Variants in ST3GAL3 observed in about 807,000 individuals in gnomAD.
The protein encoded by ST3GAL3 is ST3 beta-galactoside alpha-2,3-sialyltransferase 3, also known as CMP-N-acetylneuraminate-beta-1,4-galactoside alpha-2,3-sialyltransferase.
ST3GAL3 carries 21 observed loss-of-function variants against 50.1 expected under a neutral mutation model. That is an observed-to-expected ratio of 0.42 (90% confidence interval 0.30 to 0.60). ST3GAL3 has a LOEUF of 0.60. Among genes scored for constraint, ST3GAL3 ranks in the 20% least tolerant of loss-of-function variants. The pLI, the probability that ST3GAL3 is intolerant of heterozygous loss-of-function variation, is 0.19. For synonymous variants in ST3GAL3, 183 were observed against 190.0 expected (o/e 0.96, Z 0.30); for missense variants, 353 against 489.4 (o/e 0.72, Z 2.63).
intron 4 of ST3GAL3, among the ~76,000 whole-genome samples, chr1:43,821,981 T>C (rs571127533): frequency 6.6e-6 from 1 of 152,268 alleles, no homozygotes; most frequent in Admixed American, 6.5e-5. Flanking sequence ...AAATAAAGTT[T>C]TTAGGATTTT....
intron 2 of ST3GAL3, among the ~76,000 whole-genome samples, chr1:43,762,876 T>C (rs1691073434): frequency 6.6e-6 from 1 of 151,522 alleles, no homozygotes; most frequent in African/African-American, 2.4e-5. Flanking sequence ...CAAGGAGGGG[T>C]AAGCAGGAGG....
chr1:43,785,660 G>T (rs1296553994), intron 2 of ST3GAL3, among the ~76,000 whole-genome samples: 2 of 151,986 alleles, frequency 1.3e-5, no homozygotes, highest in East Asian at 3.8e-4. Context: ...TAATGTGGGC[G>T]CTAGGGCCCA....
intron 5 of ST3GAL3, among the ~76,000 whole-genome samples, chr1:43,860,295 T>C (rs898408066): frequency 3.9e-5 from 6 of 152,150 alleles, no homozygotes; most frequent in African/African-American, 1.4e-4. Context: ...CAAGAGGCAG[T>C]AGGGTAGAGC....
chr1:43,846,269 C>G lies in ST3GAL3; in HGVS notation c.302+7958C>G, dbSNP rs149076073. ...AGTTTTTATTTCATTTGTTTTGAAGCTCTGTCATTTGGTGTGTATACACTT... is the reference window on the plus strand; with the variant it reads ...AGTTTTTATTTCATTTGTTTTGAAGGTCTGTCATTTGGTGTGTATACACTT... On this transcript the variant is annotated intron_variant, in intron 5 of 11. Coordinates refer to ENST00000347631, the MANE Select transcript of ST3GAL3 (RefSeq NM_006279.5). 3.4e-4 allele frequency among the ~76,000 whole-genome samples: 52 copies of G among 152,182 alleles called. No homozygotes were observed. The East Asian group carries it at 9.6e-3, about 28-fold the overall frequency.
intron 5 of ST3GAL3, chr1:43,851,339 G>T: frequency 1.9e-6 from 3 of 1,545,896 alleles, no homozygotes; most frequent in Non-Finnish European, 2.7e-6. Flanking sequence ...GCACCCATGG[G>T]TTTCCACCAG....
intron 9 of ST3GAL3, 94 bp from the exon 10 acceptor site, chr1:43,920,310 C>T (rs2082806172): frequency 2.0e-6 from 3 of 1,535,676 alleles, no homozygotes; most frequent in Non-Finnish European, 9.0e-7. Flanking sequence ...CCTCATGCTC[C>T]CGCCTCACTG....
chr1:43,800,334 C>G (rs1433351721), intron 3 of ST3GAL3, among the ~76,000 whole-genome samples: 2 of 152,144 alleles, frequency 1.3e-5, no homozygotes, highest in African/African-American at 4.8e-5. Context: ...ATTAATTGAT[C>G]CCATGTTGTG....
chr1:43,915,790 G>T (rs1206218766), intron 9 of ST3GAL3, among the ~76,000 whole-genome samples: 1 of 152,182 alleles, frequency 6.6e-6, no homozygotes, highest in East Asian at 1.9e-4. Context: ...GTGGTGATCT[G>T]ATTTGTACAT....
chr1:43,729,825 G>A (rs1476019594), intron 1 of ST3GAL3, among the ~76,000 whole-genome samples: 1 of 152,180 alleles, frequency 6.6e-6, no homozygotes, highest in African/African-American at 2.4e-5. Flanking sequence ...AAGACTTTTT[G>A]TATTTTTGTC....
intron 1 of ST3GAL3, among the ~76,000 whole-genome samples, chr1:43,734,117 T>C (rs1055690223): frequency 2.0e-5 from 3 of 150,120 alleles, no homozygotes; most frequent in African/African-American, 7.3e-5. Flanking sequence ...TCTCGGGGGG[T>C]AAAAAAAAAG....
chr1:43,850,655 T>G, intron 5 of ST3GAL3: 1 of 735,168 alleles, frequency 1.4e-6, no homozygotes, highest in South Asian at 1.5e-5. Context: ...TGCCTTTGAT[T>G]GAATGGAGAT....
rs751937263 is a variant in ST3GAL3 at position 43,734,297 on chromosome 1, C to CTTTTTTTTTTT, written c.-30-1926_-30-1925insTTTTTTTTTTT. 9.4e-4 allele frequency among the ~76,000 whole-genome samples: 107 copies of CTTTTTTTTTTT among 114,418 alleles called. 8 individuals are homozygous for CTTTTTTTTTTT. The highest frequency in any genetic ancestry group is 1.2e-3 in the Non-Finnish European group (69 of 56,364). 75.1% of individuals were successfully genotyped at this position (114,418 alleles called of 152,430 possible). A position where few individuals can be genotyped will look rare whatever the true frequency, so the allele number is the denominator to read the frequency against. On this transcript the variant is annotated intron_variant, in intron 1 of 11. Transcript: ENST00000347631. ...TTTCTTCTCTTTCTTTCTTCTTCTT[C>CTTTTTTTTTTT]TTTTTTTTTTGTTTTTTTTTTTTTT...
intron 4 of ST3GAL3, among the ~76,000 whole-genome samples, chr1:43,833,137 A>G (rs1039205171): frequency 8.5e-5 from 13 of 152,178 alleles, no homozygotes; most frequent in African/African-American, 2.2e-4. Flanking sequence ...TGGTTACACA[A>G]TGTCCATCAC....
intron 5 of ST3GAL3, among the ~76,000 whole-genome samples, chr1:43,853,299 C>T (rs986448725): frequency 1.6e-4 from 24 of 152,232 alleles, no homozygotes; most frequent in African/African-American, 5.5e-4. Flanking sequence ...ACAGTGATAG[C>T]TCACACCTAC....
At chr1:43,728,871 A>G (rs1465732577) in intron 1 of ST3GAL3, among the ~76,000 whole-genome samples, 1 of 152,152 alleles carries the variant, frequency 6.6e-6, no homozygotes, top group African/African-American at 2.4e-5. Context: ...ACATATACAC[A>G]CACACACATA....
chr1:43,778,669 G>A (rs12750525), intron 2 of ST3GAL3, among the ~76,000 whole-genome samples: 42,342 of 133,628 alleles, frequency 0.32, 8,090 homozygotes, highest in East Asian at 0.52. Context: ...TTTTTGAGAC[G>A]GAGTCTCGCT....
chr1:43,898,801 G>A (rs1025560718), intron 7 of ST3GAL3, among the ~76,000 whole-genome samples: 4 of 152,036 alleles, frequency 2.6e-5, no homozygotes, highest in East Asian at 3.9e-4. Flanking sequence ...CCCCAAGCTC[G>A]GCCCACTTTT....
chr1:43,903,598 G>C (rs1254515803), intron 9 of ST3GAL3, among the ~76,000 whole-genome samples: 1 of 152,228 alleles, frequency 6.6e-6, no homozygotes, highest in Non-Finnish European at 1.5e-5. Context: ...GGACAGGGCT[G>C]GGAGTGGGTC....
intron 5 of ST3GAL3, among the ~76,000 whole-genome samples, chr1:43,855,590 A>T (rs2068192828): frequency 6.6e-6 from 1 of 151,896 alleles, no homozygotes; most frequent in Non-Finnish European, 1.5e-5. Context: ...AGCCTGAGCG[A>T]CAGAGCAAGA....
Sources: gnomAD v4.1 joint callset for allele counts (sites outside exome capture counted in the v4.1 genomes callset) on GRCh38, gnomAD v4.1.1 for gene constraint, MANE v1.5 for transcripts, NCBI Gene and HGNC (gene_info 2026-07-23, HGNC 2026-07-21) for gene names.